The following MDGA2 variants were observed in gnomAD, a reference collection of about 807,000 sequenced individuals.
MDGA2 encodes the protein MAM domain containing glycosylphosphatidylinositol anchor 2, also known as MAM domain-containing glycosylphosphatidylinositol anchor protein 2.
In MDGA2, 40 loss-of-function variants were observed where a neutral mutation model predicts 117.8. The ratio of observed to expected loss-of-function variants is 0.34; its 90% CI spans 0.26 to 0.44. The LOEUF is 0.44. MDGA2 is among the 20% of genes least tolerant of loss of function. The probability of loss-of-function intolerance (pLI) is 1.00; values close to 1 mark genes in which losing one functional copy is unlikely to be tolerated. For synonymous variants in MDGA2, 452 were observed against 439.0 expected, an observed-to-expected ratio of 1.03 and a Z score of -0.37; for missense variants, 1,123 against 1,250.6, an observed-to-expected ratio of 0.90 and a Z score of 1.54.
intron 1 of MDGA2, among the ~76,000 whole-genome samples, chr14:47,439,763 T>C (rs1234676284): frequency 6.6e-6 from 1 of 151,782 alleles, no homozygotes; most frequent in African/African-American, 2.4e-5. Context: ...GCAGGGATTA[T>C]GGTTGTATGT....
rs1892216581 is a variant in MDGA2, at chr14:47,404,327, A to G, written c.281-102777T>C. ...CAGCCTCCTGAGTAGCTGGGATTAC[A>G]GGCTTGCACCGCCATGCCCAGCTGA... On this transcript the variant is annotated intron_variant, in intron 1 of 16. Transcript: ENST00000399232. 2.0e-5 allele frequency among the ~76,000 whole-genome samples: 3 copies of G among 152,090 alleles called. No individual in the cohort carries two copies. In the South Asian group the frequency reaches 6.2e-4, roughly 32 times the overall value.
In MDGA2 at chr14:47,549,279, T is replaced by G. The variant is rs1895529896; in HGVS notation, c.280+125238A>C. Among the ~76,000 whole-genome samples, 5 of 152,266 alleles carry G rather than the reference T, an allele frequency of 3.3e-5. No homozygotes were observed. The East Asian group carries it at 9.7e-4, about 30-fold the overall frequency. On this transcript the variant is annotated intron_variant, in intron 1 of 16. Coordinates refer to ENST00000399232, the MANE Select transcript of MDGA2 (RefSeq NM_001113498.3). ...TTCTCAAATAAATACTCTGGATTGT[T>G]GCAGCTTTTTGAGTTACTTCTAGAA...
At chr14:46,895,506 A>C (rs893433568) in intron 10 of MDGA2, among the ~76,000 whole-genome samples, 1 of 152,132 alleles carries the variant, frequency 6.6e-6, no homozygotes, top group Admixed American at 6.5e-5. Context: ...CGGGTGGATC[A>C]CCTGAGGTCA....
At chr14:47,574,333 G>T (rs1896076437) in intron 1 of MDGA2, among the ~76,000 whole-genome samples, 1 of 152,116 alleles carries the variant, frequency 6.6e-6, no homozygotes, top group African/African-American at 2.4e-5. Context: ...CCTATACACT[G>T]GCCAGCTTTG....
chr14:47,385,722 T>G (rs1891741656), intron 1 of MDGA2, among the ~76,000 whole-genome samples: 1 of 152,168 alleles, frequency 6.6e-6, no homozygotes, highest in East Asian at 1.9e-4. Context: ...GTCACACATT[T>G]GCTCTCTTTG....
intron 10 of MDGA2, among the ~76,000 whole-genome samples, chr14:46,885,151 T>A (rs188789903): frequency 2.0e-5 from 3 of 152,134 alleles, no homozygotes; most frequent in Non-Finnish European, 4.4e-5. Context: ...CTGGCCAATA[T>A]ATTGCTTTCT....
chr14:47,360,139 G>C (rs1263103207), intron 1 of MDGA2, among the ~76,000 whole-genome samples: 1 of 151,952 alleles, frequency 6.6e-6, no homozygotes, highest in East Asian at 1.9e-4. Context: ...ATCACCTGAG[G>C]TATGGAGTTC....
intron 1 of MDGA2, among the ~76,000 whole-genome samples, chr14:47,634,363 A>G (rs1256240237): frequency 1.3e-5 from 2 of 152,248 alleles, no homozygotes; most frequent in East Asian, 1.9e-4. Context: ...AAAAAATTAT[A>G]TAATCATATC....
At position 47,023,571 on chromosome 14, in the gene MDGA2, A is replaced by G. The variant is rs971588917; in HGVS notation, c.1819+11440T>C. 5.3e-5 allele frequency among the ~76,000 whole-genome samples: 8 copies of G among 152,322 alleles called. No individual in the cohort carries two copies. In the East Asian group the frequency reaches 1.4e-3, roughly 26 times the overall value. ...ACATAGCAAAGCTGGAATTCAAACCAGGTCTTTAATTCAGAATACAATATC... is the reference window on the plus strand; with the variant it reads ...ACATAGCAAAGCTGGAATTCAAACCGGGTCTTTAATTCAGAATACAATATC... On this transcript the variant is annotated intron_variant, in intron 8 of 16. Transcript: ENST00000399232.
At chr14:47,047,221 T>C (rs1363361527) in intron 7 of MDGA2, among the ~76,000 whole-genome samples, 1 of 152,058 alleles carries the variant, frequency 6.6e-6, no homozygotes, top group African/African-American at 2.4e-5. Flanking sequence ...TTAATAACCA[T>C]GGAGAGTTTG....
At chr14:47,506,486 C>A (rs1374661047) in intron 1 of MDGA2, among the ~76,000 whole-genome samples, 2 of 152,124 alleles carry the variant, frequency 1.3e-5, no homozygotes, top group Non-Finnish European at 2.9e-5. Flanking sequence ...TCGTATGTTT[C>A]TCTCTCTTTT....
intron 1 of MDGA2, among the ~76,000 whole-genome samples, chr14:47,356,486 A>T: frequency 6.6e-6 from 1 of 152,144 alleles, no homozygotes; most frequent in South Asian, 2.1e-4. Context: ...TGGTAGAGAT[A>T]ATCTGTCTGA....
intron 1 of MDGA2, among the ~76,000 whole-genome samples, chr14:47,364,711 C>T (rs1891195490): frequency 6.6e-6 from 1 of 152,150 alleles, no homozygotes; most frequent in Non-Finnish European, 1.5e-5. Flanking sequence ...TATGTTTAAA[C>T]AACAAACTAA....
chr14:47,191,014 ACTTG>A (rs1370156334), intron 3 of MDGA2, among the ~76,000 whole-genome samples: 5 of 152,144 alleles, frequency 3.3e-5, no homozygotes, highest in Non-Finnish European at 7.4e-5. Context: ...TCAAGTTGAG[ACTTG>A]CCCTATGGTT....
chr14:47,348,032 T>C (rs1174560462), intron 1 of MDGA2, among the ~76,000 whole-genome samples: 1 of 151,864 alleles, frequency 6.6e-6, no homozygotes, highest in Non-Finnish European at 1.5e-5. Context: ...GAAAATAAAG[T>C]CAGGAGTATA....
chr14:47,402,804 TAA>T (rs1268838275), intron 1 of MDGA2, among the ~76,000 whole-genome samples: 2 of 152,058 alleles, frequency 1.3e-5, no homozygotes, highest in South Asian at 4.1e-4. Flanking sequence ...ACATTAACAT[TAA>T]AAATGTACCC....
intron 9 of MDGA2, among the ~76,000 whole-genome samples, chr14:46,950,263 A>AAAG: frequency 6.6e-6 from 1 of 151,836 alleles, no homozygotes; most frequent in African/African-American, 2.4e-5. Context: ...TAGATTGATT[A>AAAG]TTCAAATATT....
intron 3 of MDGA2, among the ~76,000 whole-genome samples, chr14:47,157,709 T>C (rs1350490472): frequency 6.6e-6 from 1 of 151,438 alleles, no homozygotes; most frequent in African/African-American, 2.4e-5. Context: ...TCCCCATGTG[T>C]GGTGGGAGGG....
intron 1 of MDGA2, among the ~76,000 whole-genome samples, chr14:47,373,077 TTTTATATG>T (rs1354960509): frequency 6.6e-6 from 1 of 152,056 alleles, no homozygotes; most frequent in African/African-American, 2.4e-5. Flanking sequence ...TGTATATGTG[TTTTATATG>T]TTTATAAGCA....
Sources: gnomAD v4.1 joint callset for allele counts (sites outside exome capture counted in the v4.1 genomes callset) on GRCh38, gnomAD v4.1.1 for gene constraint, MANE v1.5 for transcripts, NCBI Gene and HGNC (gene_info 2026-07-23, HGNC 2026-07-21) for gene names.